The following SLC9B1 variants were observed in gnomAD, a reference collection of about 807,000 sequenced individuals.
The protein encoded by SLC9B1 is sodium/hydrogen exchanger 9B1.
SLC9B1 carries 32 observed loss-of-function variants against 51.7 expected under a neutral mutation model. The ratio of observed to expected loss-of-function variants is 0.62; its 90% confidence interval spans 0.47 to 0.83. The LOEUF is 0.83. SLC9B1 is among the 40% of genes least tolerant of loss of function. The probability of loss-of-function intolerance (pLI) is 0.00; values close to 1 mark genes in which losing one functional copy is unlikely to be tolerated. For missense variants in SLC9B1, 406 were observed against 613.2 expected (o/e 0.66, Z 3.57); for synonymous variants, 145 against 212.7 (o/e 0.68, Z 2.77).
intron 3 of SLC9B1, among the ~76,000 whole-genome samples, chr4:102,952,814 GTTGT>G (rs1224016650): frequency 1.0e-3 from 69 of 67,216 alleles, no homozygotes; most frequent in African/African-American, 4.4e-3. Context: ...TTTTGATGGG[GTTGT>G]TTGTTTTTTT....
At chr4:102,919,338 T>A (rs561431662) in intron 7 of SLC9B1, among the ~76,000 whole-genome samples, 3 of 152,272 alleles carry the variant, frequency 2.0e-5, no homozygotes, top group African/African-American at 7.2e-5. Context: ...CAAACCATAT[T>A]TTTGTGAATG....
chr4:102,990,398 A>T (rs1739885789), intron 2 of SLC9B1, among the ~76,000 whole-genome samples: 1 of 152,098 alleles, frequency 6.6e-6, no homozygotes, highest in Non-Finnish European at 1.5e-5. Context: ...AAGCCTTCGG[A>T]AATTCAAGCA....
At position 102,977,316 on chromosome 4, in the gene SLC9B1, A is replaced by C. The variant is rs1484704041; in HGVS notation, c.211+12484T>G. ...ATAACTTAAAAAAAAAAAAAAAAAAACAGAAAAAAAGGAAGAAGAACAAGA... is the reference window on the plus strand; with the variant it reads ...ATAACTTAAAAAAAAAAAAAAAAAACCAGAAAAAAAGGAAGAAGAACAAGA... On this transcript the variant is annotated intron_variant, in intron 3 of 11. Transcript: ENST00000296422. Among the ~76,000 whole-genome samples, 11 of 142,318 alleles carry C rather than the reference A, an allele frequency of 7.7e-5. No individual in the cohort carries two copies. In the East Asian group the frequency reaches 8.2e-4, roughly 11 times the overall value. 93.4% of individuals were successfully genotyped at this position (142,318 alleles called of 152,430 possible). A position where few individuals can be genotyped will look rare whatever the true frequency, so the allele number is the denominator to read the frequency against.
intron 6 of SLC9B1, among the ~76,000 whole-genome samples, chr4:102,941,663 C>T (rs200856320): frequency 1.2e-5 from 1 of 81,264 alleles, no homozygotes; most frequent in Admixed American, 1.3e-4. Flanking sequence ...AAAAAAAAAC[C>T]CGAGAGAGAG....
chr4:102,996,949 G>A (rs1411433219), intron 1 of SLC9B1, among the ~76,000 whole-genome samples: 2 of 118,264 alleles, frequency 1.7e-5, no homozygotes, highest in African/African-American at 3.7e-5. Flanking sequence ...ATCATGTCCA[G>A]CAATTTTTTT....
At chr4:102,949,971 T>TA (rs1175733391) in intron 3 of SLC9B1, among the ~76,000 whole-genome samples, 1 of 151,454 alleles carries the variant, frequency 6.6e-6, no homozygotes, top group Non-Finnish European at 1.5e-5. Context: ...AATAAAAAAA[T>TA]AAAAAAATAA....
intron 7 of SLC9B1, among the ~76,000 whole-genome samples, chr4:102,929,469 T>G (rs1736342456): frequency 6.6e-6 from 1 of 152,242 alleles, no homozygotes; most frequent in East Asian, 1.9e-4. Context: ...CTAATGTTGT[T>G]GCCTACTGTT....
chr4:102,906,974 T>C (rs1735087914), intron 9 of SLC9B1, among the ~76,000 whole-genome samples: 1 of 152,192 alleles, frequency 6.6e-6, no homozygotes, highest in Admixed American at 6.5e-5. Flanking sequence ...TCTCTGGCTG[T>C]GGCGTCCCAA....
chr4:102,893,281 CAAAAAAAAAAAAAA>C (rs58316456), intron 11 of SLC9B1, among the ~76,000 whole-genome samples: 4 of 35,162 alleles, frequency 1.1e-4, no homozygotes, highest in Non-Finnish European at 1.9e-4. Context: ...GACTCCATCT[CAAAAAAAAAAAAAA>C]AAAAAAAAAA....
Position 102,914,508 on chromosome 4 carries a change from A to G in SLC9B1, c.830-2971T>C, listed in dbSNP as rs1298366624. The stretch of plus-strand genomic sequence containing the variant: ...CTGAATACCTTCCCAAAATTAGTTC[A>G]TCCGACTGCCAGGAATGAACAAGGA... On this transcript the variant is annotated intron_variant, in intron 7 of 11. Coordinates refer to ENST00000296422, the MANE Select transcript of SLC9B1 (RefSeq NM_139173.4). Among the ~76,000 whole-genome samples the G allele has an allele frequency of 2.6e-5, 4 of 152,282 alleles. No individual in the cohort carries two copies. In the South Asian group the frequency reaches 6.2e-4, roughly 24 times the overall value.
intron 3 of SLC9B1, among the ~76,000 whole-genome samples, chr4:102,965,159 C>A (rs1738356106): frequency 6.6e-6 from 1 of 152,030 alleles, no homozygotes; most frequent in African/African-American, 2.4e-5. Context: ...CAATTCCAAT[C>A]ACAATAGCAT....
intron 6 of SLC9B1, 94 bp downstream of exon 6, chr4:102,945,099 G>A: frequency 7.9e-7 from 1 of 1,265,766 alleles, no homozygotes; most frequent in Non-Finnish European, 1.0e-6. Context: ...AATTTTAATA[G>A]AGCTTTTCTA....
chr4:102,934,502 T>C (rs1360606235), intron 6 of SLC9B1, among the ~76,000 whole-genome samples: 2 of 152,024 alleles, frequency 1.3e-5, no homozygotes, highest in African/African-American at 2.4e-5. Flanking sequence ...AAAGTAGTAA[T>C]AAGAAAATGT....
At chr4:102,898,788 C>T (rs1290518908), downstream of SLC9B1, among the ~76,000 whole-genome samples, 14 of 152,182 alleles carry the variant, frequency 9.2e-5, no homozygotes, top group Non-Finnish European at 1.9e-4. Flanking sequence ...AGTGCAGTGG[C>T]GTGATCTTGG....
chr4:102,930,386 T>C (rs1736389364), intron 7 of SLC9B1, among the ~76,000 whole-genome samples: 1 of 152,144 alleles, frequency 6.6e-6, no homozygotes, highest in Non-Finnish European at 1.5e-5. Context: ...GTACAAATAT[T>C]TCTCTATATG....
At chr4:102,962,276 G>C (rs1738177414) in intron 3 of SLC9B1, 3 of 540,206 alleles carry the variant, frequency 5.6e-6, no homozygotes, top group Non-Finnish European at 1.1e-5. Context: ...CATACAGGAT[G>C]AAGCCATTGA....
chr4:102,946,155 A>T (rs926257448), intron 5 of SLC9B1, among the ~76,000 whole-genome samples: 5 of 152,232 alleles, frequency 3.3e-5, no homozygotes, highest in African/African-American at 9.6e-5. Context: ...TATATAAGAG[A>T]CATTTATCTC....
At chr4:102,888,602 A>C (rs1323255489) in intron 11 of SLC9B1, 1 of 152,232 alleles carries the variant, frequency 6.6e-6, no homozygotes, top group Non-Finnish European at 1.5e-5. Context: ...TACTATTATG[A>C]ATCTTTTTAG....
chr4:102,936,700 A>G (rs1467347548), intron 6 of SLC9B1, among the ~76,000 whole-genome samples: 1 of 152,232 alleles, frequency 6.6e-6, no homozygotes, highest in Non-Finnish European at 1.5e-5. Flanking sequence ...AGTCAGATGA[A>G]AATAAAGAAC....
Sources: gnomAD v4.1 joint callset for allele counts (sites outside exome capture counted in the v4.1 genomes callset) on GRCh38, gnomAD v4.1.1 for gene constraint, MANE v1.5 for transcripts, NCBI Gene and HGNC (gene_info 2026-07-23, HGNC 2026-07-21) for gene names.